The following DIO2 variants were observed in gnomAD, a reference collection of about 807,000 sequenced individuals.
DIO2 encodes the protein iodothyronine deiodinase 2.
In DIO2, 19 loss-of-function variants were observed where a neutral mutation model predicts 21.4. That is an observed-to-expected ratio of 0.89 (90% CI 0.62 to 1.30). The LOEUF (loss-of-function observed/expected upper bound fraction) is 1.30. DIO2 is among the 50% of genes most tolerant of loss of function. The pLI is 0.00. For synonymous variants in DIO2, 122 were observed against 132.9 expected (o/e 0.92, Z 0.57); for missense variants, 302 against 338.1 (o/e 0.89, Z 0.84).
chr14:80,222,452 C>G (rs562210634), intron 2 of DIO2, among the ~76,000 whole-genome samples: 1 of 152,320 alleles, frequency 6.6e-6, no homozygotes, highest in East Asian at 1.9e-4. Flanking sequence ...GCCTTCCCCA[C>G]TAAGAATTTA....
chr14:80,215,101 T>C (rs1888321087), upstream of DIO2, among the ~76,000 whole-genome samples: 1 of 152,192 alleles, frequency 6.6e-6, no homozygotes, highest in Non-Finnish European at 1.5e-5. Context: ...ATCTTCTTGG[T>C]CATGTATGTG....
chr14:80,205,513 G>A (rs1465519358), intron 1 of DIO2: 25 of 966,654 alleles, frequency 2.6e-5, no homozygotes, highest in East Asian at 8.4e-5. Flanking sequence ...TGATTCATCC[G>A]AGCAGACCTG....
In DIO2 at chr14:80,199,603, G is replaced by T. The variant is rs1887634279; in HGVS notation, c.*3086C>A. 6.6e-6 allele frequency: 1 copy of T among 152,504 alleles called. No homozygotes were observed. The highest frequency in any genetic ancestry group is 1.5e-5 in the Non-Finnish European group (1 of 68,032). 9.4% of individuals were successfully genotyped at this position (152,504 alleles called of 1,614,324 possible). On this transcript the variant is annotated 3_prime_UTR_variant, in exon 2 of 2. Coordinates refer to ENST00000438257, the MANE Select transcript of DIO2 (RefSeq NM_013989.5). Reference sequence around the variant, plus strand: ...AAGAAAATCATTGTTGATCCCACTAGTATTTTCACTAAGCAATAAATAAAG... The same window carrying T: ...AAGAAAATCATTGTTGATCCCACTATTATTTTCACTAAGCAATAAATAAAG...
At chr14:80,208,065 T>C (rs1243908704) in intron 1 of DIO2, among the ~76,000 whole-genome samples, 4 of 152,248 alleles carry the variant, frequency 2.6e-5, no homozygotes. Flanking sequence ...GCATCTATAC[T>C]GTGTGTTTAC....
intron 1 of DIO2, among the ~76,000 whole-genome samples, chr14:80,209,096 C>T (rs1888064027): frequency 6.6e-6 from 1 of 152,054 alleles, no homozygotes. Context: ...ATAGGAATAA[C>T]AACATATTGC....
chr14:80,204,006 T>C (rs1887852481), intron 1 of DIO2, among the ~76,000 whole-genome samples: 1 of 152,222 alleles, frequency 6.6e-6, no homozygotes, highest in African/African-American at 2.4e-5. Flanking sequence ...TCTATGGGTG[T>C]GTGTTGTCCT....
chr14:80,202,934 C>T lies in DIO2; in HGVS notation c.577G>A (p.Ala193Thr), dbSNP rs1448729237. The change falls in exon 2 of 2, where the codon GCA (alanine) becomes ACA (threonine). Residue 193 changes from alanine (A) to threonine (T), a missense_variant. Ala to Thr is a moderately conservative substitution (Grantham distance 58). Transcript: ENST00000438257. ...KKHQNQEDRC[A>T]AAQQLLERFS... ...CGCTCCAGAAGCTGCTGGGCTGCTGCACATCGATCTTCCTGGTTCTGGTGC... is the reference window on the plus strand; with the variant it reads ...CGCTCCAGAAGCTGCTGGGCTGCTGTACATCGATCTTCCTGGTTCTGGTGC... The T allele has an allele frequency of 1.2e-6, 2 of 1,613,968 alleles. No homozygotes were observed. Among genetic ancestry groups the T allele is most frequent in the Admixed American group, 1.7e-5 (1 of 60,016 alleles).
At chr14:80,209,704 T>C (rs1158567442) in intron 1 of DIO2, among the ~76,000 whole-genome samples, 2 of 152,204 alleles carry the variant, frequency 1.3e-5, no homozygotes, top group Non-Finnish European at 2.9e-5. Flanking sequence ...CAATTCATAT[T>C]CTCATAAAAG....
At chr14:80,222,344 A>T (rs1248920431) in intron 2 of DIO2, among the ~76,000 whole-genome samples, 1 of 152,246 alleles carries the variant, frequency 6.6e-6, no homozygotes. Context: ...AATAAAAATG[A>T]GTAAGAACAT....
At chr14:80,212,651 T>TACTCCTCTA (rs1888253178), upstream of DIO2, among the ~76,000 whole-genome samples, 1 of 152,166 alleles carries the variant, frequency 6.6e-6, no homozygotes, top group Admixed American at 6.5e-5. Flanking sequence ...CTTTATACCA[T>TACTCCTCTA]GACTCCAACC....
intron 1 of DIO2, among the ~76,000 whole-genome samples, chr14:80,209,601 G>A (rs1231624669): frequency 6.6e-6 from 1 of 152,136 alleles, no homozygotes; most frequent in Non-Finnish European, 1.5e-5. Context: ...TTGTGGAAAT[G>A]AAATAATCAA....
rs144870997 is a variant in DIO2 at position 80,197,805 on chromosome 14, G to A, written c.*4884C>T. On this transcript the variant is annotated 3_prime_UTR_variant, in exon 2 of 2. Transcript: ENST00000438257. ...GTGACTACATCCAACCACTAACTGA[G>A]TCGATGACTCTTTCGTCAGTAGTTA... The A allele has an allele frequency of 6.6e-6, 1 of 152,618 alleles. No individual in the cohort carries two copies. The highest frequency in any genetic ancestry group is 1.5e-5 in the Non-Finnish European group (1 of 68,044). 9.5% of individuals were successfully genotyped at this position (152,618 alleles called of 1,614,324 possible).
intron 2 of DIO2, among the ~76,000 whole-genome samples, chr14:80,221,523 C>T (rs1405856627): frequency 6.6e-6 from 1 of 152,092 alleles, no homozygotes; most frequent in Non-Finnish European, 1.5e-5. Flanking sequence ...CATGCTGACT[C>T]AGAGTAAGAT....
chr14:80,225,103 C>T (rs1888545809), intron 2 of DIO2, among the ~76,000 whole-genome samples: 1 of 152,092 alleles, frequency 6.6e-6, no homozygotes, highest in Non-Finnish European at 1.5e-5. Flanking sequence ...ATATGGTGCC[C>T]ACCAGATTAA....
rs1887736066 is a variant in DIO2, at chr14:80,201,823, T to A, written c.*866A>T. ...CTAGGAGCATATGACAAATATATTG[T>A]TTTTATATGTGTATTCTCTATGCCA... On this transcript the variant is annotated 3_prime_UTR_variant, in exon 2 of 2. Coordinates refer to ENST00000438257, the MANE Select transcript of DIO2 (RefSeq NM_013989.5). 6.6e-6 allele frequency: 1 copy of A among 152,566 alleles called. No homozygotes were observed. The highest frequency in any genetic ancestry group is 1.5e-5 in the Non-Finnish European group (1 of 68,348). 9.5% of individuals were successfully genotyped at this position (152,566 alleles called of 1,614,324 possible). A position where few individuals can be genotyped will look rare whatever the true frequency, so the allele number is the denominator to read the frequency against.
At position 80,202,559 on chromosome 14, in the gene DIO2, T is replaced by A; in HGVS notation, c.*130A>T. On this transcript the variant is annotated 3_prime_UTR_variant, in exon 2 of 2. Transcript: ENST00000438257. ...GAAGTATGGAGCTGTTAGAGATTCATGTTCTTCCGATAGATAAACTCCTGT... is the reference window on the plus strand; with the variant it reads ...GAAGTATGGAGCTGTTAGAGATTCAAGTTCTTCCGATAGATAAACTCCTGT... 1.0e-6 allele frequency: 1 copy of A among 975,518 alleles called. No individual in the cohort carries two copies. The highest frequency in any genetic ancestry group is 1.5e-6 in the Non-Finnish European group (1 of 671,118). The allele number at this position is 975,518 out of a possible 1,614,324, so 60.4% of individuals were successfully genotyped here. A position where few individuals can be genotyped will look rare whatever the true frequency, so the allele number is the denominator to read the frequency against.
intron 1 of DIO2, 53 bp downstream of exon 1, chr14:80,211,198 A>G: frequency 6.5e-7 from 1 of 1,541,158 alleles, no homozygotes; most frequent in South Asian, 1.1e-5. Flanking sequence ...TCCCCAGCAT[A>G]TGAGCCCCTG....
At chr14:80,215,175 C>T (rs922476230), upstream of DIO2, among the ~76,000 whole-genome samples, 3 of 152,176 alleles carry the variant, frequency 2.0e-5, no homozygotes, top group Non-Finnish European at 4.4e-5. Flanking sequence ...GGTTGCATTT[C>T]CCCATACGAT....
upstream of DIO2, among the ~76,000 whole-genome samples, chr14:80,214,521 T>A (rs904881875): frequency 3.9e-5 from 6 of 152,156 alleles, no homozygotes; most frequent in African/African-American, 7.2e-5. Flanking sequence ...AATTTTTTTT[T>A]AAATAGGAGA....
Sources: allele counts gnomAD v4.1 joint callset (sites outside exome capture counted in the v4.1 genomes callset), GRCh38; gene constraint gnomAD v4.1.1; transcripts MANE v1.5; gene names NCBI Gene and HGNC (gene_info 2026-07-23, HGNC 2026-07-21).